Variants in OPCML observed in about 807,000 individuals in gnomAD.
OPCML encodes opioid binding protein/cell adhesion molecule like.
OPCML carries 13 observed loss-of-function variants against 37.8 expected under a neutral mutation model. The ratio of observed to expected loss-of-function variants is 0.34; its 90% CI spans 0.22 to 0.55. The LOEUF is 0.55. Ranked by LOEUF, OPCML falls within the 20% of genes least tolerant of loss-of-function variation. The pLI is 0.91. For synonymous variants in OPCML, 176 were observed against 168.8 expected (o/e 1.04, Z -0.33); for missense variants, 341 against 435.6 (o/e 0.78, Z 1.93).
chr11:133,070,992 T>A (rs1948523602), intron 1 of OPCML, among the ~76,000 whole-genome samples: 1 of 152,210 alleles, frequency 6.6e-6, no homozygotes, highest in Non-Finnish European at 1.5e-5. Flanking sequence ...CTGAGATGAC[T>A]CTGGATGTTC....
intron 3 of OPCML, among the ~76,000 whole-genome samples, chr11:132,584,137 G>A (rs1223363227): frequency 6.6e-6 from 1 of 152,082 alleles, no homozygotes; most frequent in Non-Finnish European, 1.5e-5. Context: ...ACGGGAATTT[G>A]TGGCTAAAGA....
At chr11:132,956,860 G>A (rs1302837513) in intron 1 of OPCML, among the ~76,000 whole-genome samples, 1 of 152,320 alleles carries the variant, frequency 6.6e-6, no homozygotes, top group African/African-American at 2.4e-5. Flanking sequence ...GCCAGGCATG[G>A]TGGCTCACAG....
intron 3 of OPCML, among the ~76,000 whole-genome samples, chr11:132,611,684 G>A (rs1938649249): frequency 6.6e-6 from 1 of 152,128 alleles, no homozygotes; most frequent in African/African-American, 2.4e-5. Flanking sequence ...TGTGTGGGGA[G>A]AAAGGGGGAG....
intron 3 of OPCML, among the ~76,000 whole-genome samples, chr11:132,626,812 T>TTCTCTC (rs375135656): frequency 1.4e-4 from 21 of 147,218 alleles, no homozygotes; most frequent in South Asian, 2.2e-4. Context: ...AAAGGGAAGT[T>TTCTCTC]TCTCTCTCTC....
At chr11:133,056,993 A>C (rs992342488) in intron 1 of OPCML, among the ~76,000 whole-genome samples, 8 of 151,986 alleles carry the variant, frequency 5.3e-5, no homozygotes, top group Admixed American at 2.6e-4. Flanking sequence ...ACAGGCATGC[A>C]CCACCACACC....
chr11:133,249,249 T>C (rs1941048508), intron 1 of OPCML, among the ~76,000 whole-genome samples: 1 of 152,038 alleles, frequency 6.6e-6, no homozygotes. Context: ...CTTCCACTCA[T>C]GGCAGAAGGC....
At chr11:133,016,611 G>A (rs747151750) in intron 1 of OPCML, among the ~76,000 whole-genome samples, 3 of 152,196 alleles carry the variant, frequency 2.0e-5, no homozygotes, top group Non-Finnish European at 4.4e-5. Context: ...TATAATCAGA[G>A]TGATAGCTCA....
At chr11:132,704,336 C>T (rs1943950236) in intron 2 of OPCML, among the ~76,000 whole-genome samples, 1 of 152,014 alleles carries the variant, frequency 6.6e-6, no homozygotes, top group East Asian at 1.9e-4. Context: ...GAAGGTCTAC[C>T]TACATTTAAA....
At chr11:133,399,946 T>C (rs1400928744) in intron 1 of OPCML, among the ~76,000 whole-genome samples, 1 of 151,896 alleles carries the variant, frequency 6.6e-6, no homozygotes, top group East Asian at 1.9e-4. Context: ...TTGCATATTG[T>C]ATTCGGCAAG....
intron 1 of OPCML, among the ~76,000 whole-genome samples, chr11:133,087,776 G>A (rs1014434104): frequency 1.3e-5 from 2 of 152,210 alleles, no homozygotes; most frequent in African/African-American, 4.8e-5. Flanking sequence ...GATCGAGCTT[G>A]ACAGCAAATG....
chr11:132,980,868 A>C (rs1946566388), intron 1 of OPCML, among the ~76,000 whole-genome samples: 1 of 152,244 alleles, frequency 6.6e-6, no homozygotes, highest in Non-Finnish European at 1.5e-5. Context: ...TTCACAGCAC[A>C]TACAGTCCCG....
At chr11:133,292,721 T>C (rs895042007) in intron 1 of OPCML, among the ~76,000 whole-genome samples, 1 of 152,316 alleles carries the variant, frequency 6.6e-6, no homozygotes, top group Admixed American at 6.5e-5. Context: ...TATTGCATTC[T>C]GCTAGAATGA....
chr11:132,688,171 T>TGG (rs1943244997), intron 2 of OPCML, among the ~76,000 whole-genome samples: 1 of 151,240 alleles, frequency 6.6e-6, no homozygotes, highest in South Asian at 2.1e-4. Flanking sequence ...AATCATGGTT[T>TGG]TTTTTTTTTA....
At chr11:132,627,838 CGAA>C (rs1939840959) in intron 3 of OPCML, among the ~76,000 whole-genome samples, 1 of 152,068 alleles carries the variant, frequency 6.6e-6, no homozygotes, top group African/African-American at 2.4e-5. Context: ...CAAATTCAAT[CGAA>C]GCTCATTTCC....
intron 1 of OPCML, among the ~76,000 whole-genome samples, chr11:133,513,268 T>C (rs1948197718): frequency 6.6e-6 from 1 of 152,182 alleles, no homozygotes; most frequent in Non-Finnish European, 1.5e-5. Context: ...ACCAGCCCCA[T>C]TCGTAATTTT....
At chr11:133,193,649 T>C (rs1592091093) in intron 1 of OPCML, among the ~76,000 whole-genome samples, 2 of 152,300 alleles carry the variant, frequency 1.3e-5, no homozygotes, top group Admixed American at 1.3e-4. Context: ...TACCCATTTA[T>C]ATTTGTATAC....
intron 2 of OPCML, among the ~76,000 whole-genome samples, chr11:132,685,789 C>G (rs1943139918): frequency 6.6e-6 from 1 of 152,136 alleles, no homozygotes; most frequent in Non-Finnish European, 1.5e-5. Context: ...GCTTGAATCC[C>G]ACCTCGTTAA....
intron 1 of OPCML, among the ~76,000 whole-genome samples, chr11:133,051,087 CT>C (rs1337562804): frequency 5.7e-5 from 8 of 139,496 alleles, no homozygotes; most frequent in African/African-American, 2.2e-4. Flanking sequence ...ACACACACAC[CT>C]CTCAAAGCTT....
chr11:132,417,989 C>T lies in OPCML; in HGVS notation c.*2204G>A, dbSNP rs901249036. On this transcript the variant is annotated 3_prime_UTR_variant, in exon 8 of 8. Coordinates refer to ENST00000524381, the MANE Select transcript of OPCML (RefSeq NM_001012393.5). ...GTAACATTAATTTCACTCACACCAG[C>T]TCTACCTCTTAAGACAGTGCTTAGC... 6.6e-6 allele frequency: 1 copy of T among 152,208 alleles called. No homozygotes were observed. Among genetic ancestry groups the T allele is most frequent in the East Asian group, 1.9e-4 (1 of 5,182 alleles). The allele number at this position is 152,208 out of a possible 1,614,324, so 9.4% of individuals were successfully genotyped here. A position where few individuals can be genotyped will look rare whatever the true frequency, so the allele number is the denominator to read the frequency against.
Sources: allele counts gnomAD v4.1 joint callset (sites outside exome capture counted in the v4.1 genomes callset), GRCh38; gene constraint gnomAD v4.1.1; transcripts MANE v1.5; gene names NCBI Gene and HGNC (gene_info 2026-07-23, HGNC 2026-07-21).